Variants in MAP2K5 observed in about 807,000 individuals in gnomAD.
The protein encoded by MAP2K5 is dual specificity mitogen-activated protein kinase kinase 5.
A neutral mutation model predicts 83.1 loss-of-function variants in MAP2K5; 49 were observed. The ratio of observed to expected loss-of-function variants is 0.59; its 90% CI spans 0.47 to 0.75. MAP2K5 has a LOEUF of 0.75. Ranked by LOEUF, MAP2K5 falls within the 30% of genes least tolerant of loss-of-function variation. The pLI, the probability that MAP2K5 is intolerant of heterozygous loss-of-function variation, is 0.00. For missense variants in MAP2K5, 457 were observed against 557.5 expected, an observed-to-expected ratio of 0.82 and a Z score of 1.82; for synonymous variants, 202 against 191.8, an observed-to-expected ratio of 1.05 and a Z score of -0.44.
chr15:67,685,913 A>G (rs946951174), intron 13 of MAP2K5, among the ~76,000 whole-genome samples: 6 of 152,380 alleles, frequency 3.9e-5, no homozygotes, highest in African/African-American at 1.4e-4. Context: ...CATTTGCACT[A>G]CATCAGCAGA....
Position 67,676,013 on chromosome 15 carries a change from G to A in MAP2K5, c.847+11368G>A, listed in dbSNP as rs1227793063. On this transcript the variant is annotated intron_variant, in intron 13 of 21. Coordinates refer to ENST00000178640, the MANE Select transcript of MAP2K5 (RefSeq NM_145160.3). The surrounding 1 kb of genome is among the most constrained non-coding windows in gnomAD (Gnocchi z 4.8). Reference sequence around the variant, plus strand: ...CCTCTAAAAGCCTTCTGACTTGCAGGGGATTGGGATTTGAAGCAGACTGTG... The same window carrying A: ...CCTCTAAAAGCCTTCTGACTTGCAGAGGATTGGGATTTGAAGCAGACTGTG... Among the ~76,000 whole-genome samples the A allele has an allele frequency of 6.6e-6, 1 of 152,206 alleles. No individual in the cohort carries two copies.
intron 21 of MAP2K5, among the ~76,000 whole-genome samples, chr15:67,804,808 G>A (rs2090770259): frequency 6.6e-6 from 1 of 152,242 alleles, no homozygotes; most frequent in Non-Finnish European, 1.5e-5. Context: ...CCTCCTGAGA[G>A]GAAGTGTGCA....
chr15:67,800,895 G>A (rs1266774977), intron 21 of MAP2K5, among the ~76,000 whole-genome samples: 4 of 152,070 alleles, frequency 2.6e-5, no homozygotes, highest in African/African-American at 7.2e-5. Context: ...TCTAATAAGC[G>A]GACTCTAAAA....
chr15:67,613,953 A>G (rs2085995078), intron 8 of MAP2K5, among the ~76,000 whole-genome samples: 1 of 152,172 alleles, frequency 6.6e-6, no homozygotes, highest in African/African-American at 2.4e-5. Context: ...GTGGCCTGAA[A>G]AAGTTAATGC....
In MAP2K5 at chr15:67,677,295, A is replaced by G. The variant is rs971732541; in HGVS notation, c.847+12650A>G. Among the ~76,000 whole-genome samples, 6 of 152,176 alleles carry G rather than the reference A, an allele frequency of 3.9e-5. No homozygotes were observed. The highest frequency in any genetic ancestry group is 3.9e-4 in the Admixed American group (6 of 15,278). On this transcript the variant is annotated intron_variant, in intron 13 of 21. Coordinates refer to ENST00000178640, the MANE Select transcript of MAP2K5 (RefSeq NM_145160.3). This position sits in a 1 kb window ranked among gnomAD's most constrained non-coding sequence, Gnocchi z 4.2. ...TTTGTGTCCTTGGGCAAGTAATTTCATTAATTTGAACCTCAATTTCCTCCT... is the reference window on the plus strand; with the variant it reads ...TTTGTGTCCTTGGGCAAGTAATTTCGTTAATTTGAACCTCAATTTCCTCCT...
At chr15:67,799,671 G>A (rs1267473501) in intron 21 of MAP2K5, among the ~76,000 whole-genome samples, 2 of 152,252 alleles carry the variant, frequency 1.3e-5, no homozygotes, top group African/African-American at 4.8e-5. Context: ...TGCAGGCTTA[G>A]AGCCTGCCTG....
At chr15:67,798,646 A>AC (rs1422987183) in intron 21 of MAP2K5, among the ~76,000 whole-genome samples, 1 of 151,826 alleles carries the variant, frequency 6.6e-6, no homozygotes, top group Non-Finnish European at 1.5e-5. Context: ...GAGCTGCTTG[A>AC]CCCCCTTAGG....
At chr15:67,566,257 C>A (rs529798813) in intron 3 of MAP2K5, among the ~76,000 whole-genome samples, 17 of 152,208 alleles carry the variant, frequency 1.1e-4, no homozygotes, top group African/African-American at 3.9e-4. Context: ...TCACTGCAAC[C>A]TCCGCCTCCT....
intron 8 of MAP2K5, among the ~76,000 whole-genome samples, chr15:67,621,183 G>C (rs1172050701): frequency 6.6e-6 from 1 of 151,666 alleles, no homozygotes; most frequent in Non-Finnish European, 1.5e-5. Context: ...AGACTTTAAG[G>C]CAAAAAGTAT....
rs1235006263 is a variant in MAP2K5, at chr15:67,677,169, A to G, written c.847+12524A>G. Reference sequence around the variant, plus strand: ...CAAGATCACCCAACTATTCACTGCCAAAGCTGGGATAATCCATCCTATTAG... The same window carrying G: ...CAAGATCACCCAACTATTCACTGCCGAAGCTGGGATAATCCATCCTATTAG... On this transcript the variant is annotated intron_variant, in intron 13 of 21. Coordinates refer to ENST00000178640, the MANE Select transcript of MAP2K5 (RefSeq NM_145160.3). This position sits in a 1 kb window ranked among gnomAD's most constrained non-coding sequence, Gnocchi z 4.2. Among the ~76,000 whole-genome samples, 2 of 152,200 alleles carry G rather than the reference A, an allele frequency of 1.3e-5. No homozygotes were observed. The highest frequency in any genetic ancestry group is 4.8e-5 in the African/African-American group (2 of 41,446).
chr15:67,599,061 G>A (rs1199517652), intron 7 of MAP2K5, among the ~76,000 whole-genome samples: 1 of 152,170 alleles, frequency 6.6e-6, no homozygotes, highest in Non-Finnish European at 1.5e-5. Flanking sequence ...CAGCAACTCT[G>A]CTAGTTTAGC....
In MAP2K5 at chr15:67,622,530, A is replaced by ATT. The variant is rs202246966; in HGVS notation, c.546-8348_546-8347dup. On this transcript the variant is annotated intron_variant, in intron 8 of 21. Transcript: ENST00000178640. ...AAGTTAATGAATTAAATGCATGTGG[A>ATT]TTTTTTTTTTTGTAAAACACTATCC... 1.7e-4 allele frequency among the ~76,000 whole-genome samples: 25 copies of ATT among 148,316 alleles called. No homozygotes were observed. The East Asian group carries it at 2.9e-3, about 17-fold the overall frequency.
chr15:67,684,943 T>G (rs1448562930), intron 13 of MAP2K5, among the ~76,000 whole-genome samples: 1 of 152,134 alleles, frequency 6.6e-6, no homozygotes, highest in African/African-American at 2.4e-5. Flanking sequence ...GAGCACAACC[T>G]TAATGATCTT....
At chr15:67,624,633 G>C (rs1596671442) in intron 8 of MAP2K5, among the ~76,000 whole-genome samples, 1 of 126,344 alleles carries the variant, frequency 7.9e-6, no homozygotes, top group African/African-American at 2.8e-5. Context: ...GTGTGTGTGT[G>C]TGTGTGAGTG....
rs1004218182 is a variant in MAP2K5 at position 67,572,691 on chromosome 15, G to A, written c.253-8063G>A. ...TTAATTACTATATTTTGCAAGAATTGATATTATTATTATTATTTTTTTTTT... is the reference window on the plus strand; with the variant it reads ...TTAATTACTATATTTTGCAAGAATTAATATTATTATTATTATTTTTTTTTT... On this transcript the variant is annotated intron_variant, in intron 3 of 21. Coordinates refer to ENST00000178640, the MANE Select transcript of MAP2K5 (RefSeq NM_145160.3). The surrounding 1 kb of genome is among the most constrained non-coding windows in gnomAD (Gnocchi z 4.2). Among the ~76,000 whole-genome samples the A allele has an allele frequency of 7.3e-6, 1 of 137,430 alleles. No individual in the cohort carries two copies. Among genetic ancestry groups the A allele is most frequent in the African/African-American group, 2.5e-5 (1 of 39,492 alleles). 90.2% of individuals were successfully genotyped at this position (137,430 alleles called of 152,430 possible).
At chr15:67,798,693 A>G (rs1287442216) in intron 21 of MAP2K5, among the ~76,000 whole-genome samples, 1 of 152,182 alleles carries the variant, frequency 6.6e-6, no homozygotes, top group Non-Finnish European at 1.5e-5. Context: ...GAGGTAAGCA[A>G]TTTGCTGCTA....
rs2085315166 is a variant in MAP2K5 at position 67,587,554 on chromosome 15, G to T, written c.431+641G>T. On this transcript the variant is annotated intron_variant, in intron 6 of 21. Coordinates refer to ENST00000178640, the MANE Select transcript of MAP2K5 (RefSeq NM_145160.3). This position sits in a 1 kb window ranked among gnomAD's most constrained non-coding sequence, Gnocchi z 4.8. ...AATCTCTTACTGAACATCCCTGTCG[G>T]AGGAATGCACTTTATCAGCCAACGC... Among the ~76,000 whole-genome samples the T allele has an allele frequency of 6.6e-6, 1 of 152,124 alleles. No homozygotes were observed.
rs1324338260 is a variant in MAP2K5, at chr15:67,555,380, T to G, written c.184+5298T>G. On this transcript the variant is annotated intron_variant, in intron 2 of 21. Coordinates refer to ENST00000178640, the MANE Select transcript of MAP2K5 (RefSeq NM_145160.3). The surrounding 1 kb of genome is among the most constrained non-coding windows in gnomAD (Gnocchi z 5.2). ...CATAGAGAGGGCACTGAGTCATTCATGGGGGATCCACCCCCACGACAAAAA... is the reference window on the plus strand; with the variant it reads ...CATAGAGAGGGCACTGAGTCATTCAGGGGGGATCCACCCCCACGACAAAAA... 1.3e-5 allele frequency among the ~76,000 whole-genome samples: 2 copies of G among 152,184 alleles called. No individual in the cohort carries two copies. Among genetic ancestry groups the G allele is most frequent in the African/African-American group, 2.4e-5 (1 of 41,442 alleles).
In MAP2K5 at chr15:67,722,783, T is replaced by C. The variant is rs2088993922; in HGVS notation, c.1045-5133T>C. Reference sequence around the variant, plus strand: ...CATTTCTATAAAATGAAGATTTAACTGCAGCGCACAATCTAAATGCAAAAT... The same window carrying C: ...CATTTCTATAAAATGAAGATTTAACCGCAGCGCACAATCTAAATGCAAAAT... On this transcript the variant is annotated intron_variant, in intron 16 of 21. Coordinates refer to ENST00000178640, the MANE Select transcript of MAP2K5 (RefSeq NM_145160.3). This position sits in a 1 kb window ranked among gnomAD's most constrained non-coding sequence, Gnocchi z 4.2. Among the ~76,000 whole-genome samples the C allele has an allele frequency of 6.6e-6, 1 of 152,178 alleles. No individual in the cohort carries two copies. Among genetic ancestry groups the C allele is most frequent in the African/African-American group, 2.4e-5 (1 of 41,452 alleles).
Sources: gnomAD v4.1 joint callset for allele counts (sites outside exome capture counted in the v4.1 genomes callset) on GRCh38, gnomAD v4.1.1 for gene constraint, Gnocchi (gnomAD v3.1) non-coding constraint, MANE v1.5 for transcripts, NCBI Gene and HGNC (gene_info 2026-07-23, HGNC 2026-07-21) for gene names.